The following ATRNL1 variants were observed in gnomAD, a reference collection of about 807,000 sequenced individuals.
ATRNL1 encodes attractin like 1.
A neutral mutation model predicts 182.7 loss-of-function variants in ATRNL1; 95 were observed. The ratio of observed to expected loss-of-function variants is 0.52; its 90% CI spans 0.44 to 0.62. ATRNL1 has a LOEUF of 0.62. Ranked by LOEUF, ATRNL1 falls within the 20% of genes least tolerant of loss-of-function variation. The pLI, the probability that ATRNL1 is intolerant of heterozygous loss-of-function variation, is 0.00. For missense variants in ATRNL1, 1,471 were observed against 1,679.5 expected (o/e 0.88, Z 2.17); for synonymous variants, 576 against 568.3 (o/e 1.01, Z -0.19).
intron 10 of ATRNL1, among the ~76,000 whole-genome samples, chr10:115,246,226 C>G (rs1157103592): frequency 6.6e-6 from 1 of 151,696 alleles, no homozygotes; most frequent in East Asian, 1.9e-4. Context: ...ATGGTTAAAC[C>G]CAAACTCACA....
intron 27 of ATRNL1, among the ~76,000 whole-genome samples, chr10:115,836,266 G>C (rs1555095419): frequency 1.3e-5 from 2 of 152,158 alleles, no homozygotes. Context: ...GAAATATTCT[G>C]AGGTATTGAG....
chr10:115,934,388 T>G lies in ATRNL1; in HGVS notation c.4019-10270T>G, dbSNP rs949880078. On this transcript the variant is annotated intron_variant, in intron 28 of 28. Coordinates refer to ENST00000355044, the MANE Select transcript of ATRNL1 (RefSeq NM_207303.4). ...AATTCTGCATCTCTGGCATAGACTTTATTCCTGAGTTTCACAACTGCATAT... is the reference window on the plus strand; with the variant it reads ...AATTCTGCATCTCTGGCATAGACTTGATTCCTGAGTTTCACAACTGCATAT... Among the ~76,000 whole-genome samples, 6 of 152,168 alleles carry G rather than the reference T, an allele frequency of 3.9e-5. No individual in the cohort carries two copies. The South Asian group carries it at 8.3e-4, about 21-fold the overall frequency.
chr10:115,725,840 C>T (rs1193184024), intron 26 of ATRNL1, among the ~76,000 whole-genome samples: 1 of 152,028 alleles, frequency 6.6e-6, no homozygotes, highest in Non-Finnish European at 1.5e-5. Context: ...ATTCTATTTG[C>T]CAGGAGCTGT....
At chr10:115,474,842 G>A (rs1483534911) in intron 24 of ATRNL1, among the ~76,000 whole-genome samples, 1 of 151,350 alleles carries the variant, frequency 6.6e-6, no homozygotes, top group Non-Finnish European at 1.5e-5. Flanking sequence ...TCAATACCCT[G>A]CTATCAAAGT....
chr10:115,584,323 G>A (rs28880583), intron 26 of ATRNL1, among the ~76,000 whole-genome samples: 30,168 of 96,920 alleles, frequency 0.31, 5,634 homozygotes, highest in East Asian at 0.74. Flanking sequence ...CAGAAGGAAT[G>A]GTACCAGTTC....
intron 27 of ATRNL1, among the ~76,000 whole-genome samples, chr10:115,817,634 T>C (rs575479297): frequency 7.3e-4 from 111 of 152,232 alleles, no homozygotes; most frequent in Non-Finnish European, 1.4e-3. Context: ...CAATCTTAAT[T>C]TTCCTTCTTC....
chr10:115,936,915 G>A (rs1953577642), intron 28 of ATRNL1, among the ~76,000 whole-genome samples: 1 of 152,126 alleles, frequency 6.6e-6, no homozygotes, highest in Non-Finnish European at 1.5e-5. Flanking sequence ...ATCTGGAAAG[G>A]TAGCTGCAAG....
At chr10:115,931,194 G>T (rs1953383858) in intron 28 of ATRNL1, among the ~76,000 whole-genome samples, 1 of 152,088 alleles carries the variant, frequency 6.6e-6, no homozygotes, top group African/African-American at 2.4e-5. Flanking sequence ...AATAAAAATT[G>T]TAATCTGTAT....
chr10:115,131,499 C>A (rs1374158765), intron 5 of ATRNL1, among the ~76,000 whole-genome samples: 3 of 152,006 alleles, frequency 2.0e-5, no homozygotes, highest in Non-Finnish European at 4.4e-5. Flanking sequence ...GGAAGCATAG[C>A]TCCAAAGAAG....
intron 9 of ATRNL1, among the ~76,000 whole-genome samples, chr10:115,223,722 G>A (rs1849561679): frequency 6.6e-6 from 1 of 150,876 alleles, no homozygotes; most frequent in Admixed American, 6.6e-5. Flanking sequence ...CTATATTCTG[G>A]GTTTTAATGC....
chr10:115,308,475 A>G (rs1853848410), intron 17 of ATRNL1, among the ~76,000 whole-genome samples: 1 of 152,164 alleles, frequency 6.6e-6, no homozygotes, highest in South Asian at 2.1e-4. Flanking sequence ...TTGTAAGTTT[A>G]TGTGTTCAAT....
chr10:115,586,901 T>G (rs1184303099), intron 26 of ATRNL1, among the ~76,000 whole-genome samples: 7 of 112,688 alleles, frequency 6.2e-5, no homozygotes, highest in African/African-American at 1.9e-4. Context: ...ACTTTTGGTC[T>G]ATGATGATGG....
At chr10:115,593,845 CATT>C (rs1278513273) in intron 26 of ATRNL1, among the ~76,000 whole-genome samples, 2 of 152,052 alleles carry the variant, frequency 1.3e-5, no homozygotes, top group African/African-American at 2.4e-5. Context: ...CACTTATTAT[CATT>C]ATCCTGTTTT....
intron 21 of ATRNL1, among the ~76,000 whole-genome samples, chr10:115,446,236 T>C (rs1158964799): frequency 6.6e-6 from 1 of 152,060 alleles, no homozygotes; most frequent in African/African-American, 2.4e-5. Context: ...GTGATTTTCA[T>C]CTCTATTTCT....
At chr10:115,880,524 A>T (rs1303271062) in intron 28 of ATRNL1, among the ~76,000 whole-genome samples, 1 of 152,172 alleles carries the variant, frequency 6.6e-6, no homozygotes, top group Admixed American at 6.5e-5. Flanking sequence ...GCTACTTGGG[A>T]GGCTGAGGAG....
At chr10:115,410,709 TA>T (rs1845093931) in intron 20 of ATRNL1, among the ~76,000 whole-genome samples, 1 of 152,138 alleles carries the variant, frequency 6.6e-6, no homozygotes, top group East Asian at 1.9e-4. Context: ...TTTTACCTTT[TA>T]TATCTTTATA....
At chr10:115,317,399 T>C (rs1013392610) in intron 18 of ATRNL1, among the ~76,000 whole-genome samples, 2 of 152,216 alleles carry the variant, frequency 1.3e-5, no homozygotes, top group African/African-American at 4.8e-5. Flanking sequence ...CCATATGAAA[T>C]TTAAAGTAGT....
chr10:115,549,817 A>C (rs1405522523), intron 26 of ATRNL1, among the ~76,000 whole-genome samples: 1 of 152,018 alleles, frequency 6.6e-6, no homozygotes, highest in African/African-American at 2.4e-5. Context: ...AAATTTTGTA[A>C]TATATTTAAC....
chr10:115,685,914 G>A (rs1344978065), intron 26 of ATRNL1, among the ~76,000 whole-genome samples: 1 of 151,264 alleles, frequency 6.6e-6, no homozygotes, highest in Non-Finnish European at 1.5e-5. Context: ...AATGATGAGA[G>A]TCTCAATAGT....
Sources: gnomAD v4.1 joint callset for allele counts (sites outside exome capture counted in the v4.1 genomes callset) on GRCh38, gnomAD v4.1.1 for gene constraint, MANE v1.5 for transcripts, NCBI Gene and HGNC (gene_info 2026-07-23, HGNC 2026-07-21) for gene names.